The following VGLL4 variants were observed in gnomAD, a reference collection of about 807,000 sequenced individuals.
VGLL4 encodes transcription cofactor vestigial-like protein 4.
A neutral mutation model predicts 21.0 loss-of-function variants in VGLL4; 7 were observed. The ratio of observed to expected loss-of-function variants is 0.33; its 90% CI spans 0.19 to 0.63. The LOEUF is 0.63. VGLL4 is among the 20% of genes least tolerant of loss of function. VGLL4 has a pLI of 0.78. For missense variants in VGLL4, 394 were observed against 425.7 expected, an observed-to-expected ratio of 0.93 and a Z score of 0.66; for synonymous variants, 222 against 173.2, an observed-to-expected ratio of 1.28 and a Z score of -2.21.
At chr3:11,616,839 G>C (rs2075171795) in intron 1 of VGLL4, among the ~76,000 whole-genome samples, 1 of 152,190 alleles carries the variant, frequency 6.6e-6, no homozygotes, top group African/African-American at 2.4e-5. Flanking sequence ...TCTAGTGGGA[G>C]TGATAAGTTA....
intron 2 of VGLL4, among the ~76,000 whole-genome samples, chr3:11,690,298 A>G (rs924562309): frequency 1.3e-5 from 2 of 152,026 alleles, no homozygotes; most frequent in Middle Eastern, 3.2e-3. Flanking sequence ...ATCCTTTCAA[A>G]TTTTCTAATA....
chr3:11,580,549 A>T (rs2074195793), intron 2 of VGLL4, among the ~76,000 whole-genome samples: 1 of 152,248 alleles, frequency 6.6e-6, no homozygotes, highest in South Asian at 2.1e-4. Flanking sequence ...ATTCTGTTTA[A>T]TGTTCAACAC....
chr3:11,596,719 G>C (rs2074654730), intron 2 of VGLL4, among the ~76,000 whole-genome samples: 1 of 152,174 alleles, frequency 6.6e-6, no homozygotes, highest in Non-Finnish European at 1.5e-5. Flanking sequence ...TACTAAGCTT[G>C]AAATGTGACT....
intron 2 of VGLL4, among the ~76,000 whole-genome samples, chr3:11,573,161 G>A (rs528517974): frequency 2.0e-5 from 3 of 150,952 alleles, no homozygotes; most frequent in Admixed American, 6.6e-5. Context: ...GCAAGACTCC[G>A]TCTCAAGAAA....
At chr3:11,559,065 G>A (rs2072715312) in intron 4 of VGLL4, among the ~76,000 whole-genome samples, 1 of 152,228 alleles carries the variant, frequency 6.6e-6, no homozygotes, top group Admixed American at 6.5e-5. Flanking sequence ...AGAGAATGTG[G>A]CATTAAATTT....
At position 11,573,323 on chromosome 3, in the gene VGLL4, GAAAGAAAGAAAGAAAGAAAGAAAGA is replaced by G. The variant is rs1559870334; in HGVS notation, c.273-8329_273-8305del. On this transcript the variant is annotated intron_variant, in intron 2 of 4. Coordinates refer to ENST00000430365, the MANE Select transcript of VGLL4 (RefSeq NM_001128219.3). The stretch of plus-strand genomic sequence containing the variant: ...AGAAAGAAAGGAAGGAAGGAAGAAA[GAAAGAAAGAAAGAAAGAAAGAAAGA>G]AAGAAAGAAAGAAAGAAAGAAAGAA... Among the ~76,000 whole-genome samples the G allele has an allele frequency of 1.5e-3, 50 of 34,440 alleles. 1 individual carries two copies. The East Asian group carries it at 0.019, about 13-fold the overall frequency. The allele number at this position is 34,440 out of a possible 152,430, so 22.6% of individuals were successfully genotyped here. A position where few individuals can be genotyped will look rare whatever the true frequency, so the allele number is the denominator to read the frequency against.
chr3:11,654,475 C>T (rs1346665077), intron 2 of VGLL4, among the ~76,000 whole-genome samples: 1 of 152,160 alleles, frequency 6.6e-6, no homozygotes, highest in Non-Finnish European at 1.5e-5. Context: ...CAGGGTCTTA[C>T]TTTTAACTAA....
intron 2 of VGLL4, among the ~76,000 whole-genome samples, chr3:11,573,043 G>C (rs2073835872): frequency 6.6e-6 from 1 of 151,750 alleles, no homozygotes. Flanking sequence ...GTGGGCGCCT[G>C]TAATCCCAGC....
chr3:11,691,963 T>G (rs2076532136), intron 2 of VGLL4, among the ~76,000 whole-genome samples: 1 of 128,566 alleles, frequency 7.8e-6, no homozygotes, highest in Admixed American at 9.6e-5. Context: ...AGATGATGGG[T>G]AGGGAGAAGT....
chr3:11,600,975 C>G (rs977048425), intron 2 of VGLL4, among the ~76,000 whole-genome samples: 10 of 152,322 alleles, frequency 6.6e-5, no homozygotes, highest in African/African-American at 2.4e-4. Flanking sequence ...GCCCTCACCA[C>G]TGTACCCGTA....
At chr3:11,569,682 T>C (rs1184790289) in intron 2 of VGLL4, among the ~76,000 whole-genome samples, 1 of 152,212 alleles carries the variant, frequency 6.6e-6, no homozygotes, top group Non-Finnish European at 1.5e-5. Context: ...ATCTGAGAAC[T>C]GGCAGGACAG....
chr3:11,711,273 T>C (rs952177449), intron 1 of VGLL4, among the ~76,000 whole-genome samples: 1 of 151,172 alleles, frequency 6.6e-6, no homozygotes, highest in Non-Finnish European at 1.5e-5. Context: ...GTCGTGGTGG[T>C]TCACCCCTGT....
intron 1 of VGLL4, among the ~76,000 whole-genome samples, chr3:11,704,401 A>AG (rs1348024992): frequency 1.4e-5 from 2 of 142,790 alleles, no homozygotes; most frequent in South Asian, 2.2e-4. Context: ...AAAAAAAAAA[A>AG]AAAAGAAAAA....
intron 1 of VGLL4, among the ~76,000 whole-genome samples, chr3:11,713,828 C>T (rs1271079012): frequency 6.6e-6 from 1 of 151,900 alleles, no homozygotes; most frequent in Non-Finnish European, 1.5e-5. Context: ...AAAGTGAGAC[C>T]CCCATTAACT....
At chr3:11,610,422 G>C (rs11708985) in intron 1 of VGLL4, 79,842 of 152,156 alleles carry the variant, frequency 0.52, 24,265 homozygotes, top group Non-Finnish European at 0.71. Flanking sequence ...GATAAAAGCC[G>C]TGACGTGCTG....
chr3:11,646,406 A>G (rs1412044537), upstream of VGLL4, among the ~76,000 whole-genome samples: 5 of 152,318 alleles, frequency 3.3e-5, no homozygotes, highest in Admixed American at 3.3e-4. Context: ...GTGGCTGCAC[A>G]TTAGAACCAG....
At chr3:11,619,591 C>T (rs1052443186) in intron 1 of VGLL4, among the ~76,000 whole-genome samples, 4 of 152,058 alleles carry the variant, frequency 2.6e-5, no homozygotes, top group African/African-American at 7.2e-5. Context: ...GGTGTGTTGA[C>T]GCGGAAGGGC....
At chr3:11,635,278 T>C (rs1255453532) in intron 1 of VGLL4, among the ~76,000 whole-genome samples, 3 of 152,204 alleles carry the variant, frequency 2.0e-5, no homozygotes, top group African/African-American at 7.2e-5. Context: ...AGGGTTTGTT[T>C]TTGTTTTAAA....
chr3:11,623,512 G>A (rs867729167), intron 1 of VGLL4, among the ~76,000 whole-genome samples: 7 of 152,110 alleles, frequency 4.6e-5, no homozygotes, highest in Admixed American at 1.3e-4. Context: ...GTGGACCCTC[G>A]AAGTTCAGAT....
Sources: allele counts gnomAD v4.1 joint callset (sites outside exome capture counted in the v4.1 genomes callset), GRCh38; gene constraint gnomAD v4.1.1; transcripts MANE v1.5; gene names NCBI Gene and HGNC (gene_info 2026-07-23, HGNC 2026-07-21).